TGM3: variants seen among roughly 807,000 people sequenced by gnomAD.
TGM3 encodes transglutaminase 3.
TGM3 carries 52 observed loss-of-function variants against 73.8 expected under a neutral mutation model. That is an observed-to-expected ratio of 0.70 (90% CI 0.56 to 0.89). The LOEUF (loss-of-function observed/expected upper bound fraction) is 0.89, where lower values mean the gene tolerates loss of function less well. Among genes scored for constraint, TGM3 ranks in the 40% least tolerant of loss-of-function variants. The pLI is 0.00. For missense variants in TGM3, 928 were observed against 909.9 expected (o/e 1.02, Z -0.26); for synonymous variants, 372 against 354.9 (o/e 1.05, Z -0.54).
At chr20:2,312,749 T>C in intron 4 of TGM3, 149 bp from the exon 5 acceptor site, 1 of 1,092,052 alleles carries the variant, frequency 9.2e-7, no homozygotes, top group Non-Finnish European at 1.3e-6. Flanking sequence ...GGGCTGGGCA[T>C]GGTGGCTGTC....
At chr20:2,302,617 T>C (rs1007572613) in intron 1 of TGM3, among the ~76,000 whole-genome samples, 1 of 149,120 alleles carries the variant, frequency 6.7e-6, no homozygotes, top group Non-Finnish European at 1.5e-5. Flanking sequence ...CGCTAGAGGC[T>C]TGTCCCTGTC....
At position 2,335,293 on chromosome 20, in the gene TGM3, T is replaced by C; in HGVS notation, c.1800+20T>C. The C allele has an allele frequency of 1.2e-6, 2 of 1,613,190 alleles. No homozygotes were observed. The highest frequency in any genetic ancestry group is 1.7e-5 in the Admixed American group (1 of 60,002). On this transcript the variant is annotated intron_variant, in intron 11 of 12. Coordinates refer to ENST00000381458, the MANE Select transcript of TGM3 (RefSeq NM_003245.4). ...CTGGAGGTAATGGGGCTCCCCATCCTGTGGGAAGGGGTTCTGCCCCCAGCC... is the reference window on the plus strand; with the variant it reads ...CTGGAGGTAATGGGGCTCCCCATCCCGTGGGAAGGGGTTCTGCCCCCAGCC...
intron 3 of TGM3, 28 bp from the exon 4 acceptor site, chr20:2,310,983 G>T (rs142335936): frequency 1.3e-6 from 2 of 1,588,856 alleles, no homozygotes; most frequent in Admixed American, 1.7e-5. Flanking sequence ...GATTCTAGTC[G>T]CTGGTGTCTG....
In TGM3 at chr20:2,335,273, G is replaced by A. The variant is rs760475543; in HGVS notation, c.1800G>A (p.Glu600=). The A allele has an allele frequency of 3.1e-6, 5 of 1,613,958 alleles. No individual in the cohort carries two copies. The highest frequency in any genetic ancestry group is 4.2e-6 in the Non-Finnish European group (5 of 1,179,988). Residue 600 remains glutamate (E), a splice_region_variant and synonymous_variant, in exon 11 of 13, where the codon GAG becomes GAA. Coordinates refer to ENST00000381458, the MANE Select transcript of TGM3 (RefSeq NM_003245.4). ...IILDNPTLTL[E]VLNEARVRKP... ...TGGACAACCCCACCTTGACCCTGGAGGTAATGGGGCTCCCCATCCTGTGGG... is the reference window on the plus strand; with the variant it reads ...TGGACAACCCCACCTTGACCCTGGAAGTAATGGGGCTCCCCATCCTGTGGG...
intron 1 of TGM3, among the ~76,000 whole-genome samples, chr20:2,307,057 C>G (rs1362778742): frequency 2.0e-5 from 3 of 152,134 alleles, no homozygotes; most frequent in Non-Finnish European, 4.4e-5. Flanking sequence ...TCCCTTCATT[C>G]AACAGACCCT....
intron 7 of TGM3, among the ~76,000 whole-genome samples, chr20:2,317,863 T>C (rs190617233): frequency 4.2e-4 from 63 of 151,008 alleles, no homozygotes; most frequent in African/African-American, 1.4e-3. Context: ...TTTCAAGTAA[T>C]CCATATGACT....
chr20:2,303,666 G>A (rs1336847976), intron 1 of TGM3, among the ~76,000 whole-genome samples: 1 of 152,210 alleles, frequency 6.6e-6, no homozygotes, highest in Admixed American at 6.5e-5. Flanking sequence ...CCAGAGTGGA[G>A]CCTGGGAAAG....
intron 12 of TGM3, 46 bp downstream of exon 12, chr20:2,340,033 C>CGGGGGGGGGGT: frequency 5.1e-6 from 1 of 196,588 alleles, no homozygotes; most frequent in Non-Finnish European, 9.7e-6. Flanking sequence ...CGGGAGGGGG[C>CGGGGGGGGGGT]GGGGGGGCCC....
At chr20:2,323,776 C>T (rs1336974389) in intron 7 of TGM3, among the ~76,000 whole-genome samples, 3 of 152,188 alleles carry the variant, frequency 2.0e-5, no homozygotes, top group Non-Finnish European at 4.4e-5. Flanking sequence ...CTATGTATCT[C>T]TGTCATGTTA....
At position 2,311,832 on chromosome 20, in the gene TGM3, T is replaced by TCTGGC. The variant is rs45490999; in HGVS notation, c.540+703_540+704insCTGGC. Among the ~76,000 whole-genome samples, 8 of 151,964 alleles carry TCTGGC rather than the reference T, an allele frequency of 5.3e-5. No individual in the cohort carries two copies. In the East Asian group the frequency reaches 1.5e-3, roughly 29 times the overall value. On this transcript the variant is annotated intron_variant, in intron 4 of 12. Transcript: ENST00000381458. ...GAGTGGAAGAGAGGCTATTTTTTTT[T>TCTGGC]ATGGCATGGTTAGGGAGGGCCTCAC...
chr20:2,316,986 C>T, intron 5 of TGM3, 82 bp from the exon 6 acceptor site: 2 of 1,524,358 alleles, frequency 1.3e-6, no homozygotes, highest in Non-Finnish European at 1.8e-6. Context: ...ATCTCCCCAC[C>T]TTGTCCTCTG....
At chr20:2,339,324 G>A (rs2084367754) in intron 11 of TGM3, among the ~76,000 whole-genome samples, 1 of 152,184 alleles carries the variant, frequency 6.6e-6, no homozygotes, top group Admixed American at 6.5e-5. Flanking sequence ...AAGCAGGAAA[G>A]CCAAGGAAAG....
chr20:2,296,388 A>G (rs2084107582), intron 1 of TGM3, among the ~76,000 whole-genome samples: 1 of 152,144 alleles, frequency 6.6e-6, no homozygotes, highest in African/African-American at 2.4e-5. Context: ...TCTTTTACAC[A>G]TCCGTCGCCA....
intron 1 of TGM3, among the ~76,000 whole-genome samples, chr20:2,308,840 C>T (rs756298037): frequency 1.2e-4 from 18 of 150,774 alleles, no homozygotes; most frequent in Non-Finnish European, 2.2e-4. Context: ...GAAGCCAAAC[C>T]ACGGTGATGG....
intron 8 of TGM3, among the ~76,000 whole-genome samples, chr20:2,326,358 C>T (rs2084287893): frequency 6.6e-6 from 1 of 152,346 alleles, no homozygotes; most frequent in Admixed American, 6.5e-5. Context: ...TCTGCCACAC[C>T]AAGCTCCCCC....
At chr20:2,323,719 C>T (rs1042730827) in intron 7 of TGM3, among the ~76,000 whole-genome samples, 7 of 152,200 alleles carry the variant, frequency 4.6e-5, no homozygotes, top group African/African-American at 7.2e-5. Context: ...AGCACCACAA[C>T]GAGTATCACC....
At chr20:2,340,040 G>GGGGGGGC in intron 12 of TGM3, 53 bp downstream of exon 12, 2 of 944,848 alleles carry the variant, frequency 2.1e-6, no homozygotes, top group East Asian at 3.3e-5. Flanking sequence ...GGGCGGGGGG[G>GGGGGGGC]CCCTCCAGAT....
intron 1 of TGM3, among the ~76,000 whole-genome samples, chr20:2,302,387 A>G (rs1244494141): frequency 1.3e-5 from 2 of 152,216 alleles, no homozygotes; most frequent in Non-Finnish European, 2.9e-5. Flanking sequence ...TTATATTAAC[A>G]TATTTGTGAT....
At chr20:2,310,988 T>C (rs1448861888) in intron 3 of TGM3, 23 bp from the exon 4 acceptor site, 3 of 1,595,080 alleles carry the variant, frequency 1.9e-6, no homozygotes, top group Non-Finnish European at 2.6e-6. Flanking sequence ...TAGTCGCTGG[T>C]GTCTGCTTTT....
Sources: allele counts gnomAD v4.1 joint callset (sites outside exome capture counted in the v4.1 genomes callset), GRCh38; gene constraint gnomAD v4.1.1; transcripts MANE v1.5; gene names NCBI Gene and HGNC (gene_info 2026-07-23, HGNC 2026-07-21).